Variants in CCDC178 observed in about 807,000 individuals in gnomAD.
CCDC178 encodes coiled-coil domain-containing protein 178.
CCDC178 carries 126 observed loss-of-function variants against 117.4 expected under a neutral mutation model. The observed-to-expected ratio is 1.07, with a 90% confidence interval of 0.93 to 1.24. The LOEUF (loss-of-function observed/expected upper bound fraction) is 1.24. Among genes scored for constraint, CCDC178 ranks in the 50% most tolerant of loss-of-function variants. The pLI is 0.00. For missense variants in CCDC178, 1,030 were observed against 986.9 expected, an observed-to-expected ratio of 1.04 and a Z score of -0.59; for synonymous variants, 283 against 313.4, an observed-to-expected ratio of 0.90 and a Z score of 1.02.
intron 21 of CCDC178, among the ~76,000 whole-genome samples, chr18:32,988,613 A>G (rs912121045): frequency 2.0e-5 from 3 of 152,076 alleles, no homozygotes; most frequent in Non-Finnish European, 2.9e-5. Flanking sequence ...AAAAATATAT[A>G]AAGAACAGAA....
intron 21 of CCDC178, among the ~76,000 whole-genome samples, chr18:33,050,976 G>A (rs1040738398): frequency 2.3e-4 from 35 of 152,134 alleles, no homozygotes; most frequent in African/African-American, 8.4e-4. Flanking sequence ...GCAATGGCGC[G>A]ATCTTGACAC....
chr18:32,945,069 C>T (rs1221678603), intron 22 of CCDC178, among the ~76,000 whole-genome samples: 2 of 152,066 alleles, frequency 1.3e-5, no homozygotes, highest in African/African-American at 4.8e-5. Flanking sequence ...TCATTTTACT[C>T]ATTGTTTGTG....
rs555094937 is a variant in CCDC178 at position 33,187,016 on chromosome 18, G to A, written c.2238+24880C>T. Among the ~76,000 whole-genome samples, 4 of 146,242 alleles carry A rather than the reference G, an allele frequency of 2.7e-5. No individual in the cohort carries two copies. The South Asian group carries it at 8.4e-4, about 31-fold the overall frequency. ...AGCGGTTTAATTGACTCACAGTTCTGCATGGCTGGGGAAACTTACAATCAT... is the reference window on the plus strand; with the variant it reads ...AGCGGTTTAATTGACTCACAGTTCTACATGGCTGGGGAAACTTACAATCAT... On this transcript the variant is annotated intron_variant, in intron 20 of 22. Coordinates refer to ENST00000383096, the MANE Select transcript of CCDC178 (RefSeq NM_001105528.4).
At chr18:33,058,952 T>C (rs762405705) in intron 21 of CCDC178, among the ~76,000 whole-genome samples, 1 of 152,160 alleles carries the variant, frequency 6.6e-6, no homozygotes, top group Non-Finnish European at 1.5e-5. Flanking sequence ...AATTTCATCA[T>C]AAATATACAA....
At chr18:33,242,172 G>A (rs928949107) in intron 15 of CCDC178, among the ~76,000 whole-genome samples, 2 of 151,746 alleles carry the variant, frequency 1.3e-5, no homozygotes, top group Non-Finnish European at 3.0e-5. Context: ...GGAAAGGACA[G>A]TTTATTCAAT....
At chr18:33,276,764 T>C (rs1265158871) in intron 12 of CCDC178, among the ~76,000 whole-genome samples, 2 of 152,092 alleles carry the variant, frequency 1.3e-5, no homozygotes, top group Non-Finnish European at 2.9e-5. Flanking sequence ...ATGAACGATA[T>C]AATGGTCAAG....
At chr18:33,088,496 T>A (rs1208567931) in intron 21 of CCDC178, among the ~76,000 whole-genome samples, 1 of 152,206 alleles carries the variant, frequency 6.6e-6, no homozygotes, top group African/African-American at 2.4e-5. Flanking sequence ...CATATAGATC[T>A]TATACATATT....
chr18:33,038,036 T>A (rs890796853), intron 21 of CCDC178, among the ~76,000 whole-genome samples: 3 of 151,906 alleles, frequency 2.0e-5, no homozygotes, highest in Admixed American at 1.3e-4. Context: ...TTATGGAGAA[T>A]TAGATTGATC....
intron 21 of CCDC178, among the ~76,000 whole-genome samples, chr18:32,989,728 A>G (rs370142245): frequency 6.9e-4 from 105 of 152,302 alleles, no homozygotes; most frequent in African/African-American, 2.2e-3. Context: ...GCAGTAACAA[A>G]GCAAGTGGCA....
At chr18:33,021,935 A>G (rs1228559963) in intron 21 of CCDC178, among the ~76,000 whole-genome samples, 2 of 152,074 alleles carry the variant, frequency 1.3e-5, no homozygotes, top group African/African-American at 2.4e-5. Context: ...TATTTTTTAA[A>G]TTATTTTCCT....
At chr18:33,350,882 G>A (rs999814339) in intron 7 of CCDC178, among the ~76,000 whole-genome samples, 1 of 151,932 alleles carries the variant, frequency 6.6e-6, no homozygotes, top group African/African-American at 2.4e-5. Context: ...TTATATTCAC[G>A]CCAGCAATAT....
At chr18:33,412,488 T>C (rs2063871162) in intron 2 of CCDC178, among the ~76,000 whole-genome samples, 2 of 152,086 alleles carry the variant, frequency 1.3e-5, no homozygotes, top group Admixed American at 6.6e-5. Context: ...ATCTCTTCTT[T>C]ACCTTCCTTC....
At chr18:33,061,393 C>T (rs1372297442) in intron 21 of CCDC178, among the ~76,000 whole-genome samples, 1 of 151,918 alleles carries the variant, frequency 6.6e-6, no homozygotes, top group Non-Finnish European at 1.5e-5. Context: ...AAAAATAATA[C>T]ATAAATTTTA....
chr18:33,046,595 AAAATT>A (rs1213073134), intron 21 of CCDC178, among the ~76,000 whole-genome samples: 4 of 152,226 alleles, frequency 2.6e-5, no homozygotes, highest in Admixed American at 2.6e-4. Context: ...TTAGAGGAAA[AAAATT>A]AAACAAGCAT....
chr18:33,023,644 T>A (rs979341221), intron 21 of CCDC178, among the ~76,000 whole-genome samples: 1 of 152,068 alleles, frequency 6.6e-6, no homozygotes, highest in Non-Finnish European at 1.5e-5. Flanking sequence ...ATCAGCAATC[T>A]TAGCTTCCCA....
intron 2 of CCDC178, among the ~76,000 whole-genome samples, chr18:33,430,550 A>G (rs1399603133): frequency 6.6e-6 from 1 of 152,024 alleles, no homozygotes; most frequent in Admixed American, 6.6e-5. Flanking sequence ...TTTCCTTTCC[A>G]TGGAACCTTA....
At chr18:33,021,404 T>C (rs2056114025) in intron 21 of CCDC178, among the ~76,000 whole-genome samples, 1 of 152,158 alleles carries the variant, frequency 6.6e-6, no homozygotes, top group South Asian at 2.1e-4. Flanking sequence ...TGCATCTATG[T>C]TAAAAATAAC....
At chr18:33,417,959 C>T (rs894215186) in intron 2 of CCDC178, among the ~76,000 whole-genome samples, 22 of 152,142 alleles carry the variant, frequency 1.4e-4, no homozygotes, top group Admixed American at 1.3e-3. Flanking sequence ...TTCCAAAAAA[C>T]TGAGGAGGAG....
At chr18:33,062,105 AT>A (rs1055765443) in intron 21 of CCDC178, among the ~76,000 whole-genome samples, 24 of 152,220 alleles carry the variant, frequency 1.6e-4, no homozygotes, top group African/African-American at 4.8e-4. Flanking sequence ...GTAAAGAAAT[AT>A]TTTTTTTAAA....
Sources: allele counts gnomAD v4.1 joint callset (sites outside exome capture counted in the v4.1 genomes callset), GRCh38; gene constraint gnomAD v4.1.1; transcripts MANE v1.5; gene names NCBI Gene and HGNC (gene_info 2026-07-23, HGNC 2026-07-21).